CCDC33: variants seen among roughly 807,000 people sequenced by gnomAD.
CCDC33 encodes coiled-coil domain containing 33.
A neutral mutation model predicts 91.9 loss-of-function variants in CCDC33; 94 were observed. That is an observed-to-expected ratio of 1.02 (90% confidence interval 0.87 to 1.21). The LOEUF is 1.21. CCDC33 is among the 50% of genes most tolerant of loss of function. CCDC33 has a pLI of 0.00. For synonymous variants in CCDC33, 396 were observed against 374.5 expected (o/e 1.06, Z -0.66); for missense variants, 940 against 935.5 (o/e 1.00, Z -0.06).
chr15:74,209,707 G>A, intron 2 of CCDC33: 1 of 472,458 alleles, frequency 2.1e-6, no homozygotes, highest in Non-Finnish European at 3.7e-6. Flanking sequence ...CCTGAGCACA[G>A]GCTCTCCCTA....
At chr15:74,226,384 C>T (rs1567215886) in intron 2 of CCDC33, among the ~76,000 whole-genome samples, 1 of 152,168 alleles carries the variant, frequency 6.6e-6, no homozygotes, top group South Asian at 2.1e-4. Flanking sequence ...TGGACAGAGT[C>T]CTATCTACTA....
chr15:74,271,372 C>T (rs189161305), intron 5 of CCDC33, among the ~76,000 whole-genome samples: 10 of 152,212 alleles, frequency 6.6e-5, no homozygotes, highest in African/African-American at 2.2e-4. Flanking sequence ...GTGGAGGGGC[C>T]GAGGTTAGAA....
upstream of CCDC33, among the ~76,000 whole-genome samples, chr15:74,231,978 C>T (rs2074987459): frequency 6.6e-6 from 1 of 152,150 alleles, no homozygotes; most frequent in Non-Finnish European, 1.5e-5. Context: ...TATGCCACTG[C>T]ACTCCAGCCT....
chr15:74,221,401 G>A, intron 2 of CCDC33: 2 of 804,280 alleles, frequency 2.5e-6, no homozygotes, highest in Non-Finnish European at 1.5e-6. Context: ...TCCACGACTG[G>A]CTTTGAATCA....
chr15:74,241,447 G>A (rs1193362719), intron 1 of CCDC33, among the ~76,000 whole-genome samples: 1 of 152,192 alleles, frequency 6.6e-6, no homozygotes, highest in Non-Finnish European at 1.5e-5. Flanking sequence ...AGGGAGCTTG[G>A]TAGGTGTGAG....
chr15:74,272,931 C>A (rs1450240121), intron 7 of CCDC33, 40 bp downstream of exon 7: 2 of 1,611,992 alleles, frequency 1.2e-6, no homozygotes, highest in Admixed American at 3.3e-5. Context: ...CCTGTAACTA[C>A]CCCACACATT....
At chr15:74,323,897 C>G (rs2060255142) in intron 11 of CCDC33, among the ~76,000 whole-genome samples, 1 of 151,530 alleles carries the variant, frequency 6.6e-6, no homozygotes, top group South Asian at 2.1e-4. Context: ...CGAGACTAGC[C>G]TGACCAACAT....
At position 74,305,933 on chromosome 15, in the gene CCDC33, C is replaced by G. The variant is rs568275124; in HGVS notation, c.1290+9985C>G. Among the ~76,000 whole-genome samples, 56 of 152,314 alleles carry G rather than the reference C, an allele frequency of 3.7e-4. No individual in the cohort carries two copies. In the South Asian group the frequency reaches 4.6e-3, roughly 12 times the overall value. On this transcript the variant is annotated intron_variant, in intron 11 of 18. Coordinates refer to ENST00000398814, the MANE Select transcript of CCDC33 (RefSeq NM_025055.5). ...CATTGTTAAGTAGAGGAAATACTCT[C>G]CCCGCCTCTTGAGGCTTTTCAGAGG...
intron 11 of CCDC33, among the ~76,000 whole-genome samples, chr15:74,310,445 G>A (rs2059970386): frequency 6.7e-6 from 1 of 148,806 alleles, no homozygotes; most frequent in Admixed American, 6.8e-5. Context: ...GCTGAAGCAG[G>A]AAAATAGCTT....
At chr15:74,242,729 G>A (rs935084718) in intron 1 of CCDC33, among the ~76,000 whole-genome samples, 1 of 151,886 alleles carries the variant, frequency 6.6e-6, no homozygotes, top group African/African-American at 2.4e-5. Flanking sequence ...GAGGACCAGG[G>A]CCAGGGAGGA....
intron 11 of CCDC33, among the ~76,000 whole-genome samples, chr15:74,296,566 C>T (rs941261244): frequency 6.6e-6 from 1 of 152,096 alleles, no homozygotes; most frequent in African/African-American, 2.4e-5. Context: ...GTGGAGGTTG[C>T]GGTGAGCCAA....
chr15:74,282,263 C>CT (rs1477151954), intron 10 of CCDC33, among the ~76,000 whole-genome samples: 1 of 152,234 alleles, frequency 6.6e-6, no homozygotes, highest in African/African-American at 2.4e-5. Context: ...GGCAGGGTCA[C>CT]ATTCCTTTCT....
intron 11 of CCDC33, among the ~76,000 whole-genome samples, chr15:74,328,585 A>C (rs1259006687): frequency 6.6e-6 from 1 of 152,246 alleles, no homozygotes; most frequent in Non-Finnish European, 1.5e-5. Context: ...GGAGGAGCCA[A>C]GACCTGGAAC....
chr15:74,252,175 AG>A (rs1004015514), intron 2 of CCDC33, among the ~76,000 whole-genome samples: 57 of 152,260 alleles, frequency 3.7e-4, no homozygotes, highest in African/African-American at 1.4e-3. Flanking sequence ...CCCTTTTGGA[AG>A]GGGGGTTGTT....
intron 11 of CCDC33, among the ~76,000 whole-genome samples, chr15:74,324,340 C>T (rs1567035328): frequency 6.6e-6 from 1 of 152,088 alleles, no homozygotes; most frequent in Non-Finnish European, 1.5e-5. Context: ...GGGTCTCCAC[C>T]TGCCCCTATC....
chr15:74,314,350 T>C (rs553017162), intron 11 of CCDC33, among the ~76,000 whole-genome samples: 49 of 152,284 alleles, frequency 3.2e-4, no homozygotes, highest in African/African-American at 1.2e-3. Flanking sequence ...AAAGAGTATA[T>C]CCTGAACTGG....
intron 11 of CCDC33, among the ~76,000 whole-genome samples, chr15:74,308,600 G>A (rs984062961): frequency 6.6e-6 from 1 of 152,106 alleles, no homozygotes; most frequent in South Asian, 2.1e-4. Flanking sequence ...TCTTCAAGGA[G>A]GGGGGACAGC....
intron 10 of CCDC33, among the ~76,000 whole-genome samples, chr15:74,283,925 A>G (rs351214): frequency 0.69 from 105,550 of 151,972 alleles, 38,394 homozygotes; most frequent in Non-Finnish European, 0.83. Context: ...CACTCTTAAC[A>G]CATATGTACA....
At chr15:74,320,189 G>A (rs2060177022) in intron 11 of CCDC33, among the ~76,000 whole-genome samples, 1 of 152,180 alleles carries the variant, frequency 6.6e-6, no homozygotes, top group Admixed American at 6.5e-5. Flanking sequence ...CAGAAGCAGA[G>A]CTTCCGGGCC....
Sources: allele counts gnomAD v4.1 joint callset (sites outside exome capture counted in the v4.1 genomes callset), GRCh38; gene constraint gnomAD v4.1.1; transcripts MANE v1.5; gene names NCBI Gene and HGNC (gene_info 2026-07-23, HGNC 2026-07-21).